RFX7: variants seen among roughly 807,000 people sequenced by gnomAD.
RFX7 encodes the protein regulatory factor X7.
In RFX7, 26 loss-of-function variants were observed where a neutral mutation model predicts 111.8. The ratio of observed to expected loss-of-function variants is 0.23; its 90% CI spans 0.17 to 0.32. RFX7 has a LOEUF of 0.32. RFX7 is among the 10% of genes least tolerant of loss of function. The probability of loss-of-function intolerance (pLI) is 1.00; values close to 1 mark genes in which losing one functional copy is unlikely to be tolerated. For missense variants in RFX7, 1,573 were observed against 1,772.9 expected, an observed-to-expected ratio of 0.89 and a Z score of 2.02; for synonymous variants, 624 against 624.4, an observed-to-expected ratio of 1.00 and a Z score of 0.01.
At chr15:56,205,422 G>A (rs2043239882) in intron 2 of RFX7, among the ~76,000 whole-genome samples, 3 of 152,174 alleles carry the variant, frequency 2.0e-5, no homozygotes, top group African/African-American at 7.2e-5. Flanking sequence ...TCTGTAAAAT[G>A]TCTTTATCTC....
intron 5 of RFX7, among the ~76,000 whole-genome samples, chr15:56,140,267 G>C (rs552114259): frequency 6.6e-6 from 1 of 152,340 alleles, no homozygotes; most frequent in Non-Finnish European, 1.5e-5. Flanking sequence ...CAATCAGTGA[G>C]ACTCCATGGG....
Position 56,243,550 on chromosome 15 carries a change from G to A in RFX7, c.-108C>T. On this transcript the variant is annotated 5_prime_UTR_variant, in exon 1 of 10. Transcript: ENST00000559447. ...GCTTCACCGCGGGAGAGGCATGGCG[G>A]CGCCCCTCAGCCCCCCGCTGGCGCC... 1 of 978,160 alleles carries A rather than the reference G, an allele frequency of 1.0e-6. No individual in the cohort carries two copies. The highest frequency in any genetic ancestry group is 1.2e-6 in the Non-Finnish European group (1 of 824,222). 60.6% of individuals were successfully genotyped at this position (978,160 alleles called of 1,614,324 possible). A position where few individuals can be genotyped will look rare whatever the true frequency, so the allele number is the denominator to read the frequency against.
intron 5 of RFX7, among the ~76,000 whole-genome samples, chr15:56,110,541 T>TG (rs764386511): frequency 0.073 from 530 of 7,286 alleles, 101 homozygotes; most frequent in Admixed American, 0.14. Flanking sequence ...GGGAGGGAGG[T>TG]GGGGGGGGTC....
At chr15:56,241,653 C>G (rs1441319298) in intron 2 of RFX7, among the ~76,000 whole-genome samples, 24 of 152,096 alleles carry the variant, frequency 1.6e-4, no homozygotes, top group Admixed American at 1.4e-3. Flanking sequence ...TTCACCATCT[C>G]TTCTTTTAAA....
intron 9 of RFX7, 77 bp from the exon 10 acceptor site, chr15:56,096,697 T>A: frequency 1.4e-6 from 2 of 1,386,660 alleles, no homozygotes; most frequent in African/African-American, 2.9e-5. Flanking sequence ...TATATACTTT[T>A]AAGTCATTTA....
chr15:56,100,750 G>A (rs1264380390), intron 8 of RFX7, among the ~76,000 whole-genome samples: 3 of 152,210 alleles, frequency 2.0e-5, no homozygotes, highest in Non-Finnish European at 4.4e-5. Flanking sequence ...TATTAATTTA[G>A]GAGGGAGTCA....
intron 3 of RFX7, among the ~76,000 whole-genome samples, chr15:56,178,557 G>T (rs1209431338): frequency 6.6e-6 from 1 of 152,114 alleles, no homozygotes; most frequent in Non-Finnish European, 1.5e-5. Flanking sequence ...GAATCTAACA[G>T]TATAGAGCCT....
chr15:56,098,168 T>G lies in RFX7; in HGVS notation c.1020A>C (p.Gly340=), dbSNP rs1248767668. 4 of 1,613,792 alleles carry G rather than the reference T, an allele frequency of 2.5e-6. No individual in the cohort carries two copies. In the African/African-American group the frequency reaches 5.3e-5, roughly 22 times the overall value. ...GATTTCCATTAGGAAGATTAGTCAC[T>G]CCATTGCTTGTAGCACTTTCTGACT... ...AKKSESATSN[G]VTNLPNGNPS... Residue 340 remains glycine (G), a synonymous_variant, in exon 9 of 10, where the codon GGA becomes GGC. Coordinates refer to ENST00000559447, the MANE Select transcript of RFX7 (RefSeq NM_022841.7).
intron 5 of RFX7, among the ~76,000 whole-genome samples, chr15:56,139,695 G>A (rs368750543): frequency 6.6e-6 from 1 of 152,092 alleles, no homozygotes; most frequent in South Asian, 2.1e-4. Context: ...AGGCGCTCTG[G>A]TTTTTAGAGT....
intron 3 of RFX7, among the ~76,000 whole-genome samples, chr15:56,148,517 T>C (rs547574307): frequency 6.6e-6 from 1 of 152,182 alleles, no homozygotes; most frequent in East Asian, 1.9e-4. Flanking sequence ...CTTTTGGAGG[T>C]TGAAGGTGGA....
At chr15:56,220,944 C>G (rs1596018878) in intron 2 of RFX7, among the ~76,000 whole-genome samples, 1 of 152,152 alleles carries the variant, frequency 6.6e-6, no homozygotes, top group Non-Finnish European at 1.5e-5. Flanking sequence ...GAGTCCTTTT[C>G]CCATTGCTTG....
At chr15:56,144,971 T>C (rs1396254483) in intron 3 of RFX7, among the ~76,000 whole-genome samples, 3 of 152,308 alleles carry the variant, frequency 2.0e-5, no homozygotes, top group Admixed American at 6.5e-5. Flanking sequence ...ATGTGACTGA[T>C]GGTGCTACTG....
At chr15:56,209,150 C>A (rs542339355) in intron 2 of RFX7, among the ~76,000 whole-genome samples, 7 of 151,724 alleles carry the variant, frequency 4.6e-5, no homozygotes, top group African/African-American at 1.7e-4. Context: ...TACAGAAAAT[C>A]AAAGATAGAG....
chr15:56,106,740 T>C (rs1262206384), intron 5 of RFX7, among the ~76,000 whole-genome samples: 1 of 152,224 alleles, frequency 6.6e-6, no homozygotes, highest in African/African-American at 2.4e-5. Flanking sequence ...AGATATTCAA[T>C]GATTCTTTTA....
At chr15:56,223,556 CA>C (rs2043448525) in intron 2 of RFX7, among the ~76,000 whole-genome samples, 1 of 152,122 alleles carries the variant, frequency 6.6e-6, no homozygotes. Context: ...GTTTAACACC[CA>C]TTACCCCATT....
intron 2 of RFX7, among the ~76,000 whole-genome samples, chr15:56,186,145 G>A (rs181160246): frequency 1.3e-5 from 2 of 152,260 alleles, no homozygotes; most frequent in East Asian, 3.9e-4. Context: ...TACATGCCCT[G>A]AGCAAACAGC....
chr15:56,177,679 C>A (rs1337824929), intron 3 of RFX7, among the ~76,000 whole-genome samples: 1 of 152,140 alleles, frequency 6.6e-6, no homozygotes, highest in Admixed American at 6.5e-5. Flanking sequence ...GAGTGATCCT[C>A]CAAAGTTATC....
intron 3 of RFX7, among the ~76,000 whole-genome samples, chr15:56,177,985 CT>C (rs1158958519): frequency 6.6e-6 from 1 of 151,982 alleles, no homozygotes; most frequent in East Asian, 1.9e-4. Flanking sequence ...TGGAATATGT[CT>C]TTTCTGTTTT....
At position 56,094,808 on chromosome 15, in the gene RFX7, T is replaced by G; in HGVS notation, c.2920A>C (p.Ser974Arg). 1.9e-6 allele frequency: 3 copies of G among 1,590,288 alleles called. No individual in the cohort carries two copies. The highest frequency in any genetic ancestry group is 2.6e-6 in the Non-Finnish European group (3 of 1,167,628). The change falls in exon 10 of 10, where the codon AGT (serine) becomes CGT (arginine). Residue 974 changes from serine (S) to arginine (R), a missense_variant. By Grantham distance (110) the Ser-to-Arg change is moderately radical. Around this residue, in one of 7 missense-constraint regions of RFX7, gnomAD observed 625 missense variants for 632.2 expected, o/e 0.99. Coordinates refer to ENST00000559447, the MANE Select transcript of RFX7 (RefSeq NM_022841.7). ...PTSEMIAGSQ[S>R]LSRESPCSRL... ...GAGCAAGGGCTCTCCCGTGACAGAC[T>G]CTGAGATCCAGCAATCATTTCAGAT... is the stretch of plus-strand genomic sequence containing the variant.
Sources: gnomAD v4.1 joint callset for allele counts (sites outside exome capture counted in the v4.1 genomes callset) on GRCh38, gnomAD v4.1.1 for gene constraint, gnomAD v4.1.1 regional missense constraint, MANE v1.5 for transcripts, NCBI Gene and HGNC (gene_info 2026-07-23, HGNC 2026-07-21) for gene names.